The following PECR variants were observed in gnomAD, a reference collection of about 807,000 sequenced individuals.
PECR encodes peroxisomal trans-2-enoyl-CoA reductase, also known as 2,4-dienoyl-CoA reductase-related protein.
Under a neutral mutation model 35.3 loss-of-function variants are expected in PECR, and 30 were observed. The observed-to-expected ratio is 0.85, with a 90% CI of 0.64 to 1.15. PECR has a LOEUF of 1.15. Among genes scored for constraint, PECR ranks in the 50% most tolerant of loss-of-function variants. The probability of loss-of-function intolerance (pLI) is 0.00; values close to 1 mark genes in which losing one functional copy is unlikely to be tolerated. For synonymous variants in PECR, 148 were observed against 138.9 expected (o/e 1.07, Z -0.46); for missense variants, 392 against 370.8 (o/e 1.06, Z -0.47).
At chr2:216,067,196 T>C (rs575242340) in intron 1 of PECR, among the ~76,000 whole-genome samples, 53 of 152,216 alleles carry the variant, frequency 3.5e-4, no homozygotes, top group Non-Finnish European at 6.5e-4. Context: ...GCCCAGGGGA[T>C]AGGGAGAAAA....
At position 216,081,760 on chromosome 2, in the gene PECR, G is replaced by C; in HGVS notation, c.-19C>G. On this transcript the variant is annotated 5_prime_UTR_variant, in exon 1 of 8. Coordinates refer to ENST00000265322, the MANE Select transcript of PECR (RefSeq NM_018441.6). ...AGGCCATCCCTGCAGCGGGGTGCCAGAGCAGCTGAGCGCAGGCCCTTCTGG... is the reference window on the plus strand; with the variant it reads ...AGGCCATCCCTGCAGCGGGGTGCCACAGCAGCTGAGCGCAGGCCCTTCTGG... 6.2e-7 allele frequency: 1 copy of C among 1,611,582 alleles called. No individual in the cohort carries two copies. The highest frequency in any genetic ancestry group is 8.5e-7 in the Non-Finnish European group (1 of 1,179,652).
chr2:216,040,400 A>G (rs558001522), intron 7 of PECR, among the ~76,000 whole-genome samples: 8 of 152,106 alleles, frequency 5.3e-5, no homozygotes, highest in Non-Finnish European at 1.0e-4. Flanking sequence ...GTACAGGCAC[A>G]TGCCACCATG....
intron 1 of PECR, among the ~76,000 whole-genome samples, chr2:216,076,340 G>A (rs1192036283): frequency 2.6e-5 from 4 of 152,046 alleles, no homozygotes; most frequent in Admixed American, 1.3e-4. Context: ...CTACAAGCAT[G>A]TGCCATGCCA....
chr2:216,071,848 CTGTT>C (rs1164290551), intron 1 of PECR, among the ~76,000 whole-genome samples: 2 of 152,162 alleles, frequency 1.3e-5, no homozygotes, highest in South Asian at 2.1e-4. Flanking sequence ...CTTCAGGTCT[CTGTT>C]TGTCCCTGAA....
chr2:216,031,648 AAAG>A (rs1694704026), intron 7 of PECR, among the ~76,000 whole-genome samples: 1 of 25,118 alleles, frequency 4.0e-5, no homozygotes, highest in Non-Finnish European at 8.8e-5. Context: ...AGGAAGAAGA[AAAG>A]AAAGAAAGAA....
At chr2:216,048,865 A>AC (rs1559210169) in intron 6 of PECR, among the ~76,000 whole-genome samples, 1 of 150,972 alleles carries the variant, frequency 6.6e-6, no homozygotes, top group Non-Finnish European at 1.5e-5. Flanking sequence ...AAAAAAAAAA[A>AC]ACCGCTGCTG....
At chr2:216,044,994 A>C (rs2105945502) in intron 6 of PECR, among the ~76,000 whole-genome samples, 1 of 152,286 alleles carries the variant, frequency 6.6e-6, no homozygotes, top group South Asian at 2.1e-4. Context: ...GGGTCCCAGA[A>C]TCTGCAGTTT....
intron 7 of PECR, among the ~76,000 whole-genome samples, chr2:216,043,054 C>CAT (rs1197039109): frequency 3.3e-5 from 4 of 121,478 alleles, no homozygotes; most frequent in African/African-American, 1.3e-4. Context: ...TATATATACA[C>CAT]ATACGTATAT....
Position 216,046,213 on chromosome 2 carries a change from T to A in PECR, c.715-2198A>T, listed in dbSNP as rs904422952. ...TTACTATTTTAAAATGAATTAATAA[T>A]ATTTCTTAAATTTTGGTTTTAATTT... On this transcript the variant is annotated intron_variant, in intron 6 of 7. Coordinates refer to ENST00000265322, the MANE Select transcript of PECR (RefSeq NM_018441.6). 4.0e-5 allele frequency among the ~76,000 whole-genome samples: 6 copies of A among 149,412 alleles called. No individual in the cohort carries two copies. In the South Asian group the frequency reaches 1.3e-3, roughly 31 times the overall value.
At chr2:216,030,725 CTTTCTT>C (rs1694667461) in intron 7 of PECR, among the ~76,000 whole-genome samples, 1 of 145,026 alleles carries the variant, frequency 6.9e-6, no homozygotes, top group Admixed American at 6.9e-5. Flanking sequence ...GTATTTCTTT[CTTTCTT>C]TTTTTTTTTT....
Position 216,066,375 on chromosome 2 carries a change from T to C in PECR, c.258+10A>G, listed in dbSNP as rs763558559. 5.6e-6 allele frequency: 9 copies of C among 1,608,546 alleles called. No homozygotes were observed. Among genetic ancestry groups the C allele is most frequent in the Non-Finnish European group, 7.7e-6 (9 of 1,174,996 alleles). ...TGAATGAATAAATGATACAGATATATCTCCATTACCTCCTCCTCATTCCGG... is the reference window on the plus strand; with the variant it reads ...TGAATGAATAAATGATACAGATATACCTCCATTACCTCCTCCTCATTCCGG... On this transcript the variant is annotated intron_variant, in intron 2 of 7. Coordinates refer to ENST00000265322, the MANE Select transcript of PECR (RefSeq NM_018441.6).
Position 216,067,560 on chromosome 2 carries a change from TTTC to T in PECR, c.125-1045_125-1043del, listed in dbSNP as rs1357525298. On this transcript the variant is annotated intron_variant, in intron 1 of 7. Coordinates refer to ENST00000265322, the MANE Select transcript of PECR (RefSeq NM_018441.6). ...CAAGAATATATACATATTTTTTCTT[TTTC>T]TTTTTTTTTTTTGAGACGGAGTCTC... 2.7e-5 allele frequency among the ~76,000 whole-genome samples: 4 copies of T among 149,810 alleles called. 1 individual carries two copies. The highest frequency in any genetic ancestry group is 1.0e-4 in the African/African-American group (4 of 39,940).
At chr2:216,067,900 T>C (rs1470193573) in intron 1 of PECR, among the ~76,000 whole-genome samples, 1 of 151,726 alleles carries the variant, frequency 6.6e-6, no homozygotes, top group African/African-American at 2.4e-5. Flanking sequence ...AACAGGAAAA[T>C]AGCAGCACAT....
At chr2:216,063,430 C>T (rs1257037579) in intron 3 of PECR, among the ~76,000 whole-genome samples, 1 of 151,912 alleles carries the variant, frequency 6.6e-6, no homozygotes, top group African/African-American at 2.4e-5. Flanking sequence ...CCATCCTGGC[C>T]AACATGGTGA....
intron 3 of PECR, among the ~76,000 whole-genome samples, chr2:216,060,848 T>C (rs1695324920): frequency 6.6e-6 from 1 of 151,076 alleles, no homozygotes; most frequent in African/African-American, 2.4e-5. Context: ...TAAAAATAAA[T>C]TCCATTCATC....
intron 2 of PECR, 127 bp from the exon 3 acceptor site, chr2:216,065,604 A>G: frequency 1.4e-6 from 1 of 696,540 alleles, no homozygotes; most frequent in South Asian, 1.5e-5. Flanking sequence ...AAGTGCCACA[A>G]TGAATGAACA....
In PECR at chr2:216,081,670, G is replaced by C. The variant is rs1342714620; in HGVS notation, c.72C>G (p.Thr24=). Residue 24 remains threonine (T), a synonymous_variant, in exon 1 of 8, where the codon ACC becomes ACG. Coordinates refer to ENST00000265322, the MANE Select transcript of PECR (RefSeq NM_018441.6). Reference sequence around the variant, plus strand: ...CTTTTCCGATGCCCGTGGCCCCGCCGGTGACGATGGCCACTTGGCCCTGCA... The same window carrying C: ...CTTTTCCGATGCCCGTGGCCCCGCCCGTGACGATGGCCACTTGGCCCTGCA... ...GLLQGQVAIV[T]GGATGIGKAI... 6.2e-7 allele frequency: 1 copy of C among 1,613,698 alleles called. No homozygotes were observed. The highest frequency in any genetic ancestry group is 1.3e-5 in the African/African-American group (1 of 75,072).
chr2:216,071,245 A>C (rs925506329), intron 1 of PECR, among the ~76,000 whole-genome samples: 1 of 152,178 alleles, frequency 6.6e-6, no homozygotes, highest in Non-Finnish European at 1.5e-5. Flanking sequence ...CCAAAACAGA[A>C]GCAAAGGCTT....
chr2:216,031,549 AAG>A (rs2105935553), intron 7 of PECR, among the ~76,000 whole-genome samples: 1 of 148,996 alleles, frequency 6.7e-6, no homozygotes, highest in Non-Finnish European at 1.5e-5. Context: ...GAAGGAAGGA[AAG>A]AGGGAGGGAG....
Sources: allele counts gnomAD v4.1 joint callset (sites outside exome capture counted in the v4.1 genomes callset), GRCh38; gene constraint gnomAD v4.1.1; transcripts MANE v1.5; gene names NCBI Gene and HGNC (gene_info 2026-07-23, HGNC 2026-07-21).